Variants in MAST2 observed in about 807,000 individuals in gnomAD.
The protein encoded by MAST2 is microtubule associated serine/threonine kinase 2.
MAST2 carries 70 observed loss-of-function variants against 147.4 expected under a neutral mutation model. The observed-to-expected ratio is 0.47, with a 90% CI of 0.39 to 0.58. The LOEUF (loss-of-function observed/expected upper bound fraction) is 0.58. Ranked by LOEUF, MAST2 falls within the 20% of genes least tolerant of loss-of-function variation. The pLI is 0.00. For missense variants in MAST2, 2,080 were observed against 2,302.3 expected, an observed-to-expected ratio of 0.90 and a Z score of 1.98; for synonymous variants, 869 against 896.8, an observed-to-expected ratio of 0.97 and a Z score of 0.55.
At chr1:46,025,414 T>C (rs1646366000) in intron 15 of MAST2, among the ~76,000 whole-genome samples, 1 of 152,224 alleles carries the variant, frequency 6.6e-6, no homozygotes, top group Non-Finnish European at 1.5e-5. Flanking sequence ...ATGATTCAGT[T>C]ATCTCCCTCC....
At chr1:45,919,268 A>C (rs1181668681) in intron 4 of MAST2, among the ~76,000 whole-genome samples, 1 of 152,186 alleles carries the variant, frequency 6.6e-6, no homozygotes, top group Non-Finnish European at 1.5e-5. Context: ...GGAGGAAGAG[A>C]TATCCAAGGA....
intron 3 of MAST2, among the ~76,000 whole-genome samples, chr1:45,832,297 C>CT (rs770549552): frequency 3.2e-4 from 48 of 150,692 alleles, no homozygotes; most frequent in Admixed American, 1.6e-3. Flanking sequence ...CTTTTCTTTT[C>CT]TTTCTTTCTT....
At chr1:45,858,077 G>A (rs1645852455) in intron 3 of MAST2, among the ~76,000 whole-genome samples, 1 of 152,036 alleles carries the variant, frequency 6.6e-6, no homozygotes, top group South Asian at 2.1e-4. Flanking sequence ...AAACATACGT[G>A]TGTATGTGTC....
At chr1:45,933,013 G>A (rs1655563000) in intron 4 of MAST2, among the ~76,000 whole-genome samples, 1 of 148,072 alleles carries the variant, frequency 6.8e-6, no homozygotes, top group Non-Finnish European at 1.5e-5. Flanking sequence ...ACTTTAGGGG[G>A]CTGAGGAGTT....
intron 2 of MAST2, among the ~76,000 whole-genome samples, chr1:45,828,616 T>C (rs1384494600): frequency 2.0e-5 from 3 of 152,134 alleles, no homozygotes; most frequent in Admixed American, 1.3e-4. Context: ...AATGAGACCT[T>C]CACCTCATTT....
intron 5 of MAST2, among the ~76,000 whole-genome samples, chr1:45,984,614 T>C (rs1644543059): frequency 6.6e-6 from 1 of 152,138 alleles, no homozygotes; most frequent in Non-Finnish European, 1.5e-5. Context: ...TGGCCTATTT[T>C]TTATCTATAA....
intron 1 of MAST2, among the ~76,000 whole-genome samples, chr1:45,824,120 A>G (rs1478437761): frequency 1.3e-5 from 2 of 152,204 alleles, no homozygotes; most frequent in Non-Finnish European, 2.9e-5. Context: ...GGTATGAATA[A>G]AAGGATAAAC....
At chr1:45,813,190 GA>G (rs536492950) in intron 1 of MAST2, among the ~76,000 whole-genome samples, 83 of 151,934 alleles carry the variant, frequency 5.5e-4, no homozygotes, top group African/African-American at 1.1e-3. Flanking sequence ...ATAGTGACAA[GA>G]AAAAAATATC....
chr1:46,031,226 C>G lies in MAST2; in HGVS notation c.2928C>G (p.His976Gln). ...GEGVSGPVTE[H>Q]SGEQRPKLDE... ...GGGTATCTGGGCCTGTCACTGAACACTCAGGGGAGCAGCGGCCAAAGCTGG... is the reference window on the plus strand; with the variant it reads ...GGGTATCTGGGCCTGTCACTGAACAGTCAGGGGAGCAGCGGCCAAAGCTGG... Residue 976 changes from histidine to glutamine, a missense_variant, in exon 23 of 29, where the codon CAC becomes CAG. Transcript: ENST00000361297. This position sits in a 1 kb window ranked among gnomAD's most constrained non-coding sequence, Gnocchi z 4.1. The G allele has an allele frequency of 6.5e-7, 1 of 1,547,452 alleles. No homozygotes were observed. Among genetic ancestry groups the G allele is most frequent in the Non-Finnish European group, 8.7e-7 (1 of 1,143,868 alleles).
intron 3 of MAST2, among the ~76,000 whole-genome samples, chr1:45,849,709 G>A (rs1391398728): frequency 1.3e-5 from 2 of 152,090 alleles, no homozygotes; most frequent in African/African-American, 4.8e-5. Flanking sequence ...TGTATTTTTA[G>A]TAGAGATGGG....
intron 1 of MAST2, among the ~76,000 whole-genome samples, chr1:45,805,613 C>T (rs140423140): frequency 1.6e-4 from 25 of 152,280 alleles, no homozygotes; most frequent in Middle Eastern, 3.4e-3. Context: ...GACCTTACTG[C>T]GTATTTCATG....
intron 4 of MAST2, among the ~76,000 whole-genome samples, chr1:45,958,238 G>GAGTCTGGCT (rs1659923996): frequency 6.6e-6 from 1 of 152,044 alleles, no homozygotes; most frequent in Non-Finnish European, 1.5e-5. Flanking sequence ...CAGCCCTACA[G>GAGTCTGGCT]AGTCTGGCTG....
Position 46,034,800 on chromosome 1 carries a change from G to A in MAST2, c.4131G>A (p.Lys1377=), listed in dbSNP as rs1005859017. 6.2e-7 allele frequency: 1 copy of A among 1,613,738 alleles called. No individual in the cohort carries two copies. Among genetic ancestry groups the A allele is most frequent in the Non-Finnish European group, 8.5e-7 (1 of 1,180,028 alleles). ...ATGTAGCCCAGGCCTTTCCCACAAA[G>A]CTTCACTTGTCACCTCCCCTGGGCA... The part of the protein sequence containing the change: ...SGHVAQAFPT[K]LHLSPPLGRQ... Residue 1377 remains lysine (K), a synonymous_variant, in exon 29 of 29, where the codon AAG becomes AAA. Transcript: ENST00000361297.
chr1:45,957,409 A>C (rs753281879), intron 4 of MAST2, among the ~76,000 whole-genome samples: 3 of 152,224 alleles, frequency 2.0e-5, no homozygotes, highest in Non-Finnish European at 2.9e-5. Context: ...CTCTGCCTTA[A>C]CTGGCTGTGT....
intron 4 of MAST2, among the ~76,000 whole-genome samples, chr1:45,886,252 CTTATA>C (rs1280691481): frequency 6.8e-6 from 1 of 146,040 alleles, no homozygotes; most frequent in African/African-American, 2.5e-5. Context: ...TATTTATATA[CTTATA>C]TAAGTATACA....
In MAST2 at chr1:45,872,637, C is replaced by T. The variant is rs536574305; in HGVS notation, c.469-9727C>T. ...CTGTGATTACAGGCATGCGCTACCACGCCCTGCTAATTTTCTTATTTTTAG... is the reference window on the plus strand; with the variant it reads ...CTGTGATTACAGGCATGCGCTACCATGCCCTGCTAATTTTCTTATTTTTAG... On this transcript the variant is annotated intron_variant, in intron 3 of 28. Transcript: ENST00000361297. Among the ~76,000 whole-genome samples, 10 of 152,222 alleles carry T rather than the reference C, an allele frequency of 6.6e-5. No homozygotes were observed. In the East Asian group the frequency reaches 7.7e-4, roughly 12 times the overall value.
At chr1:46,007,581 A>T (rs1385637194) in intron 8 of MAST2, among the ~76,000 whole-genome samples, 3 of 152,214 alleles carry the variant, frequency 2.0e-5, no homozygotes, top group Non-Finnish European at 2.9e-5. Flanking sequence ...ACAGAGTGGG[A>T]CAGTTGTGAA....
At chr1:45,856,276 C>T (rs758377038) in intron 3 of MAST2, among the ~76,000 whole-genome samples, 1 of 152,052 alleles carries the variant, frequency 6.6e-6, no homozygotes, top group Non-Finnish European at 1.5e-5. Context: ...CCTGGGCAAC[C>T]TAGCAATATC....
Position 45,939,543 on chromosome 1 carries a change from G to A in MAST2, c.501-19843G>A, listed in dbSNP as rs537614675. On this transcript the variant is annotated intron_variant, in intron 4 of 28. Coordinates refer to ENST00000361297, the MANE Select transcript of MAST2 (RefSeq NM_015112.3). ...AGGATCAATTTTTCAATTTTTTTTT[G>A]GGGGGGTGGGGTCGCAGGGGACAGT... Among the ~76,000 whole-genome samples, 57 of 127,234 alleles carry A rather than the reference G, an allele frequency of 4.5e-4. 1 individual carries two copies. Among genetic ancestry groups the A allele is most frequent in the Non-Finnish European group, 7.5e-4 (43 of 57,450 alleles). The allele number at this position is 127,234 out of a possible 152,430, so 83.5% of individuals were successfully genotyped here. A position where few individuals can be genotyped will look rare whatever the true frequency, so the allele number is the denominator to read the frequency against.
Sources: gnomAD v4.1 joint callset for allele counts (sites outside exome capture counted in the v4.1 genomes callset) on GRCh38, gnomAD v4.1.1 for gene constraint, Gnocchi (gnomAD v3.1) non-coding constraint, MANE v1.5 for transcripts, NCBI Gene and HGNC (gene_info 2026-07-23, HGNC 2026-07-21) for gene names.